Variants in TPCN1 observed in about 807,000 individuals in gnomAD.
TPCN1 encodes two pore channel protein 1.
TPCN1 carries 52 observed loss-of-function variants against 108.8 expected under a neutral mutation model. That is an observed-to-expected ratio of 0.48 (90% CI 0.38 to 0.60). TPCN1 has a LOEUF of 0.60. TPCN1 is among the 20% of genes least tolerant of loss of function. The pLI is 0.00. For missense variants in TPCN1, 806 were observed against 1,072.8 expected, an observed-to-expected ratio of 0.75 and a Z score of 3.47; for synonymous variants, 446 against 433.7, an observed-to-expected ratio of 1.03 and a Z score of -0.35.
At chr12:113,292,501 G>A (rs1956299809) in intron 25 of TPCN1, 2 of 189,628 alleles carry the variant, frequency 1.1e-5, no homozygotes, top group Non-Finnish European at 2.2e-5. Context: ...AAAACTGTCT[G>A]CACTTGATCT....
At chr12:113,292,742 C>T (rs747678354) in intron 25 of TPCN1, 192 bp from the exon 26 acceptor site, 18 of 604,350 alleles carry the variant, frequency 3.0e-5, no homozygotes, top group Non-Finnish European at 4.2e-5. Context: ...GCTAGACCTG[C>T]GCTCCTGACA....
In TPCN1 at chr12:113,266,269, C is replaced by T; in HGVS notation, c.327C>T (p.Tyr109=). The T allele has an allele frequency of 1.9e-6, 3 of 1,613,936 alleles. No homozygotes were observed. The highest frequency in any genetic ancestry group is 2.5e-6 in the Non-Finnish European group (3 of 1,180,034). The part of the protein sequence containing the change: ...AYLFAHNHLF[Y]LMELATALLL... ...TCTTTGCACACAATCACCTCTTCTA[C>T]CTGATGGAGCTGGCCACGGCCCTGC... Residue 109 remains tyrosine (Y), a synonymous_variant, in exon 4 of 28, where the codon TAC becomes TAT. Transcript: ENST00000335509. This position sits in a 1 kb window ranked among gnomAD's most constrained non-coding sequence, Gnocchi z 4.2.
chr12:113,287,437 G>A, intron 19 of TPCN1: 1 of 250,678 alleles, frequency 4.0e-6, no homozygotes, highest in Non-Finnish European at 7.6e-6. Context: ...GGGCCTTTCA[G>A]GGGCCCTGCG....
In TPCN1 at chr12:113,278,819, G is replaced by A. The variant is rs751098184; in HGVS notation, c.1281G>A (p.Ala427=). 1.3e-5 allele frequency: 21 copies of A among 1,613,816 alleles called. No individual in the cohort carries two copies. The highest frequency in any genetic ancestry group is 1.6e-4 in the Middle Eastern group (1 of 6,082). The change falls in exon 14 of 28, where the codon GCG becomes GCA. Residue 427 remains alanine (A), a synonymous_variant. Coordinates refer to ENST00000335509, the MANE Select transcript of TPCN1 (RefSeq NM_017901.6). ...EHWFDELPRT[A]LLIFKGINIL... ...GGTTTGATGAGCTTCCCAGGACGGC[G>A]CTCCTCATCTTCAAAGGTAAGTGGG...
rs1290620301 is a variant in TPCN1 at position 113,226,852 on chromosome 12, C to A, written c.-1C>A. ...TCCTGAGGGCCACAGGAGAAGAGAA[C>A]ATGGCTGTGAGTTTGGATGACGACG... On this transcript the variant is annotated 5_prime_UTR_variant, in exon 2 of 28. Coordinates refer to ENST00000335509, the MANE Select transcript of TPCN1 (RefSeq NM_017901.6). 2 of 1,614,050 alleles carry A rather than the reference C, an allele frequency of 1.2e-6. No homozygotes were observed. The highest frequency in any genetic ancestry group is 1.7e-6 in the Non-Finnish European group (2 of 1,180,050).
chr12:113,275,577 C>CTT (rs527980636), intron 10 of TPCN1, among the ~76,000 whole-genome samples: 8 of 140,248 alleles, frequency 5.7e-5, no homozygotes, highest in Non-Finnish European at 1.2e-4. Flanking sequence ...AAAATATTTC[C>CTT]TTTTTTTTTT....
chr12:113,286,074 G>C, intron 18 of TPCN1, 113 bp downstream of exon 18: 2 of 953,338 alleles, frequency 2.1e-6, no homozygotes, highest in Middle Eastern at 4.2e-4. Flanking sequence ...GGGAGGGTCT[G>C]AGGATGGGCT....
intron 15 of TPCN1, among the ~76,000 whole-genome samples, chr12:113,281,690 C>T (rs1339076130): frequency 6.6e-6 from 1 of 152,130 alleles, no homozygotes; most frequent in Non-Finnish European, 1.5e-5. Flanking sequence ...AGGTGCATGC[C>T]ACCACACCTG....
intron 2 of TPCN1, among the ~76,000 whole-genome samples, chr12:113,238,108 G>A (rs1953963188): frequency 1.3e-5 from 2 of 152,088 alleles, no homozygotes; most frequent in African/African-American, 4.8e-5. Context: ...CCTCCTTCAC[G>A]ATAAAGCCCT....
In TPCN1 at chr12:113,284,509, CT is replaced by C. The variant is rs1955998773; in HGVS notation, c.1343-70del. 5.7e-6 allele frequency: 9 copies of C among 1,571,638 alleles called. No individual in the cohort carries two copies. In the South Asian group the frequency reaches 1.0e-4, roughly 17 times the overall value. On this transcript the variant is annotated intron_variant, in intron 15 of 27. Coordinates refer to ENST00000335509, the MANE Select transcript of TPCN1 (RefSeq NM_017901.6). This position sits in a 1 kb window ranked among gnomAD's most constrained non-coding sequence, Gnocchi z 4.1. ...AGAGCTCCAGGAAGTTAACCAGGGA[CT>C]TCAGCTGCGACCTGCAGATTTCTAA...
chr12:113,277,969 G>T (rs561552393), intron 12 of TPCN1, among the ~76,000 whole-genome samples: 1 of 152,156 alleles, frequency 6.6e-6, no homozygotes, highest in South Asian at 2.1e-4. Context: ...CATCGGTGGA[G>T]ACTTAAGTGG....
intron 1 of TPCN1, among the ~76,000 whole-genome samples, chr12:113,224,968 C>T (rs1241677242): frequency 1.3e-5 from 2 of 152,022 alleles, no homozygotes; most frequent in African/African-American, 4.8e-5. Context: ...CCAGGCTGGT[C>T]TTGAACTCCT....
intron 2 of TPCN1, among the ~76,000 whole-genome samples, chr12:113,239,519 A>T (rs1954023038): frequency 6.6e-6 from 1 of 152,214 alleles, no homozygotes; most frequent in African/African-American, 2.4e-5. Flanking sequence ...GACATAATAG[A>T]AGTTGCATAT....
rs948887389 is a variant in TPCN1 at position 113,268,647 on chromosome 12, A to G, written c.529-95A>G. 3.3e-6 allele frequency: 5 copies of G among 1,513,138 alleles called. No homozygotes were observed. Among genetic ancestry groups the G allele is most frequent in the African/African-American group, 1.4e-5 (1 of 73,100 alleles). The allele number at this position is 1,513,138 out of a possible 1,614,324, so 93.7% of individuals were successfully genotyped here. ...AGAGAGGAGAAGGCCTCCCGAGGCC[A>G]GAGTGGGCACTGCCTCTCCAGCCCC... On this transcript the variant is annotated intron_variant, in intron 5 of 27. Transcript: ENST00000335509. The surrounding 1 kb of genome is among the most constrained non-coding windows in gnomAD (Gnocchi z 7.3).
At chr12:113,274,140 T>C (rs1194534261) in intron 10 of TPCN1, among the ~76,000 whole-genome samples, 1 of 152,204 alleles carries the variant, frequency 6.6e-6, no homozygotes, top group Admixed American at 6.5e-5. Context: ...CCTAATACAA[T>C]GTAAAAGCTA....
chr12:113,228,855 A>G (rs899246920), intron 2 of TPCN1, among the ~76,000 whole-genome samples: 1 of 152,092 alleles, frequency 6.6e-6, no homozygotes, highest in Non-Finnish European at 1.5e-5. Context: ...TTTAGAGAGG[A>G]ATGCTGCCTA....
At chr12:113,230,803 G>A (rs549929744) in intron 2 of TPCN1, among the ~76,000 whole-genome samples, 148 of 152,270 alleles carry the variant, frequency 9.7e-4, no homozygotes, top group African/African-American at 3.4e-3. Context: ...CAATATGCAG[G>A]TACTCAACAA....
chr12:113,252,452 C>A (rs552566453), intron 2 of TPCN1, among the ~76,000 whole-genome samples: 2 of 152,250 alleles, frequency 1.3e-5, no homozygotes, highest in South Asian at 2.1e-4. Context: ...TTCGAGGAGA[C>A]CCCTGTGTGA....
At chr12:113,241,994 T>G (rs1954156764) in intron 2 of TPCN1, among the ~76,000 whole-genome samples, 1 of 152,148 alleles carries the variant, frequency 6.6e-6, no homozygotes, top group African/African-American at 2.4e-5. Flanking sequence ...TTGAAATTCA[T>G]GGACTAAAGA....
Sources: allele counts gnomAD v4.1 joint callset (sites outside exome capture counted in the v4.1 genomes callset), GRCh38; gene constraint gnomAD v4.1.1; non-coding constraint Gnocchi (gnomAD v3.1); transcripts MANE v1.5; gene names NCBI Gene and HGNC (gene_info 2026-07-23, HGNC 2026-07-21).